The following MAGI1 variants were observed in gnomAD, a reference collection of about 807,000 sequenced individuals.
The protein encoded by MAGI1 is membrane-associated guanylate kinase, WW and PDZ domain-containing protein 1.
Under a neutral mutation model 139.9 loss-of-function variants are expected in MAGI1, and 58 were observed. The ratio of observed to expected loss-of-function variants is 0.41; its 90% CI spans 0.34 to 0.52. The LOEUF (loss-of-function observed/expected upper bound fraction) is 0.52. Among genes scored for constraint, MAGI1 ranks in the 20% least tolerant of loss-of-function variants. The probability of loss-of-function intolerance (pLI) is 0.12; values close to 1 mark genes in which losing one functional copy is unlikely to be tolerated. For missense variants in MAGI1, 1,874 were observed against 1,901.6 expected (o/e 0.99, Z 0.27); for synonymous variants, 812 against 737.9 (o/e 1.10, Z -1.63).
At chr3:65,587,655 A>G (rs1191759520) in intron 2 of MAGI1, among the ~76,000 whole-genome samples, 2 of 150,774 alleles carry the variant, frequency 1.3e-5, no homozygotes, top group Admixed American at 6.6e-5. Flanking sequence ...TAATTGTTCT[A>G]TTTTTTTGTA....
intron 1 of MAGI1, among the ~76,000 whole-genome samples, chr3:65,905,782 T>C (rs377608618): frequency 7.8e-4 from 119 of 152,302 alleles, no homozygotes; most frequent in African/African-American, 2.8e-3. Flanking sequence ...CAAAATGTAG[T>C]CTAACAACTT....
intron 1 of MAGI1, among the ~76,000 whole-genome samples, chr3:65,904,481 G>A (rs985748060): frequency 6.6e-6 from 1 of 152,022 alleles, no homozygotes; most frequent in Non-Finnish European, 1.5e-5. Context: ...GGCCTTCAGG[G>A]CCCTGCGGCC....
At chr3:65,806,825 T>C (rs2040889119) in intron 1 of MAGI1, among the ~76,000 whole-genome samples, 1 of 152,166 alleles carries the variant, frequency 6.6e-6, no homozygotes, top group Non-Finnish European at 1.5e-5. Context: ...TTTGTGACTA[T>C]AAAAACTGTT....
At chr3:65,505,668 A>AATAATAATG (rs3075744) in intron 2 of MAGI1, among the ~76,000 whole-genome samples, 1 of 149,268 alleles carries the variant, frequency 6.7e-6, no homozygotes, top group African/African-American at 2.5e-5. Context: ...TAATAATAAT[A>AATAATAATG]GGGAATGACT....
At chr3:65,730,566 C>G (rs1026825721) in intron 1 of MAGI1, among the ~76,000 whole-genome samples, 1 of 152,166 alleles carries the variant, frequency 6.6e-6, no homozygotes, top group Non-Finnish European at 1.5e-5. Context: ...AATGGACTGA[C>G]GAGACTGGCT....
At chr3:65,608,476 C>T (rs1011600538) in intron 2 of MAGI1, among the ~76,000 whole-genome samples, 3 of 151,792 alleles carry the variant, frequency 2.0e-5, no homozygotes, top group African/African-American at 7.3e-5. Flanking sequence ...TGGAAAAAGA[C>T]TTGAATAAAA....
intron 13 of MAGI1, among the ~76,000 whole-genome samples, chr3:65,397,392 A>T (rs1300316917): frequency 1.3e-5 from 2 of 152,166 alleles, no homozygotes; most frequent in Non-Finnish European, 2.9e-5. Flanking sequence ...ACAAAAACCT[A>T]TCACTGTGGC....
At chr3:66,002,188 TA>T (rs1482277297) in intron 1 of MAGI1, among the ~76,000 whole-genome samples, 1 of 152,214 alleles carries the variant, frequency 6.6e-6, no homozygotes, top group Non-Finnish European at 1.5e-5. Context: ...TAAGGCATTT[TA>T]AATTCGCATT....
At chr3:65,677,144 T>A (rs2087248562) in intron 1 of MAGI1, among the ~76,000 whole-genome samples, 1 of 152,202 alleles carries the variant, frequency 6.6e-6, no homozygotes, top group African/African-American at 2.4e-5. Context: ...TTTGAAGCAC[T>A]AGGAAAATCT....
chr3:65,852,730 C>T (rs112491481), intron 1 of MAGI1, among the ~76,000 whole-genome samples: 205 of 151,952 alleles, frequency 1.3e-3, no homozygotes, highest in Middle Eastern at 3.4e-3. Flanking sequence ...CTCGAACTCC[C>T]GACCTCAGGT....
chr3:65,890,571 T>C (rs1042045150), intron 1 of MAGI1, among the ~76,000 whole-genome samples: 1 of 152,192 alleles, frequency 6.6e-6, no homozygotes, highest in Non-Finnish European at 1.5e-5. Context: ...CCCAAAGGAC[T>C]TGCAAGAACA....
At chr3:65,657,893 A>G (rs1015354948) in intron 1 of MAGI1, among the ~76,000 whole-genome samples, 1 of 152,152 alleles carries the variant, frequency 6.6e-6, no homozygotes, top group Non-Finnish European at 1.5e-5. Context: ...ATAGGACTGA[A>G]ATTTTCTCAT....
intron 1 of MAGI1, among the ~76,000 whole-genome samples, chr3:65,910,373 G>A (rs1172185468): frequency 6.6e-6 from 1 of 152,198 alleles, no homozygotes; most frequent in Non-Finnish European, 1.5e-5. Flanking sequence ...GAGGATAAAT[G>A]CAATGCTGTA....
intron 1 of MAGI1, 51 bp from the exon 2 acceptor site, chr3:65,622,139 G>T: frequency 7.8e-7 from 1 of 1,288,978 alleles, no homozygotes; most frequent in Non-Finnish European, 1.1e-6. Context: ...GGGCCTCCTA[G>T]AAAAGAAGTA....
intron 1 of MAGI1, among the ~76,000 whole-genome samples, chr3:65,781,170 T>G (rs2038899129): frequency 6.6e-6 from 1 of 151,836 alleles, no homozygotes; most frequent in Non-Finnish European, 1.5e-5. Context: ...CACTCCAGCC[T>G]GAGTGACAGA....
chr3:65,363,699 A>G, intron 20 of MAGI1, 91 bp from the exon 21 acceptor site: 1 of 1,060,234 alleles, frequency 9.4e-7, no homozygotes, highest in Non-Finnish European at 1.4e-6. Flanking sequence ...CACAATCTCT[A>G]TCCCCCTCTT....
chr3:65,424,912 A>AT (rs1378324703), intron 12 of MAGI1, among the ~76,000 whole-genome samples: 1 of 151,848 alleles, frequency 6.6e-6, no homozygotes, highest in East Asian at 1.9e-4. Flanking sequence ...CTACAAAACA[A>AT]TTTTTTAAAA....
At chr3:65,539,290 ACAGAAACAAATACCAGCTACTGTCAAC>A (rs2079100347) in intron 2 of MAGI1, among the ~76,000 whole-genome samples, 1 of 152,086 alleles carries the variant, frequency 6.6e-6, no homozygotes, top group South Asian at 2.1e-4. Flanking sequence ...CTACCATCAA[ACAGAAACAAATACCAGCTACTGTCAAC>A]CAGAAACATG....
At chr3:65,542,027 C>A (rs143912848) in intron 2 of MAGI1, among the ~76,000 whole-genome samples, 2 of 152,094 alleles carry the variant, frequency 1.3e-5, no homozygotes, top group East Asian at 3.9e-4. Context: ...AAACCCCATC[C>A]TCTCAGCCCA....
Sources: gnomAD v4.1 joint callset for allele counts (sites outside exome capture counted in the v4.1 genomes callset) on GRCh38, gnomAD v4.1.1 for gene constraint, MANE v1.5 for transcripts, NCBI Gene and HGNC (gene_info 2026-07-23, HGNC 2026-07-21) for gene names.